IQCE: variants seen among roughly 807,000 people sequenced by gnomAD.
The protein encoded by IQCE is IQ domain-containing protein E.
IQCE carries 115 observed loss-of-function variants against 96.0 expected under a neutral mutation model. The ratio of observed to expected loss-of-function variants is 1.20; its 90% confidence interval spans 1.03 to 1.40. The LOEUF (loss-of-function observed/expected upper bound fraction) is 1.40. Among genes scored for constraint, IQCE ranks in the 40% most tolerant of loss-of-function variants. The probability of loss-of-function intolerance (pLI) is 0.00; values close to 1 mark genes in which losing one functional copy is unlikely to be tolerated. For missense variants in IQCE, 1,041 were observed against 909.1 expected (o/e 1.15, Z -1.87); for synonymous variants, 412 against 371.2 (o/e 1.11, Z -1.26).
In IQCE at chr7:2,586,263, C is replaced by T. The variant is rs1231007374; in HGVS notation, c.880C>T (p.Leu294Phe). ...AKRQKKMGSA[L>F]LSLSRSVQEL... ...AAGGCAGAAGAAGATGGGCAGTGCC[C>T]TCCTGAGCTTGTCCCGGAGTGTCCA... Residue 294 changes from leucine to phenylalanine, a missense_variant, in exon 12 of 22, where the codon CTC (leucine) becomes TTC (phenylalanine). Physicochemically the swap from Leu to Phe is conservative, Grantham distance 22. Transcript: ENST00000402050. 4 of 1,614,068 alleles carry T rather than the reference C, an allele frequency of 2.5e-6. No individual in the cohort carries two copies. Among genetic ancestry groups the T allele is most frequent in the Non-Finnish European group, 2.5e-6 (3 of 1,179,980 alleles).
At chr7:2,572,155 G>C in intron 4 of IQCE, 37 bp from the exon 5 acceptor site, 2 of 1,585,914 alleles carry the variant, frequency 1.3e-6, no homozygotes, top group Non-Finnish European at 1.7e-6. Context: ...GTGTGTGCTT[G>C]TATCTGTCAT....
chr7:2,589,000 C>G (rs867966549), intron 13 of IQCE, among the ~76,000 whole-genome samples: 8 of 152,100 alleles, frequency 5.3e-5, no homozygotes, highest in Non-Finnish European at 1.0e-4. Context: ...ATTAGAGCAT[C>G]TGTGTTGTTT....
intron 3 of IQCE, among the ~76,000 whole-genome samples, chr7:2,570,689 C>G (rs1223884288): frequency 1.3e-5 from 2 of 151,984 alleles, no homozygotes; most frequent in African/African-American, 4.8e-5. Flanking sequence ...TTAGTTTTTG[C>G]ATACGTTTAT....
At chr7:2,596,584 A>G (rs1784058784) in intron 16 of IQCE, among the ~76,000 whole-genome samples, 1 of 152,222 alleles carries the variant, frequency 6.6e-6, no homozygotes, top group Admixed American at 6.5e-5. Context: ...CATGGGAATG[A>G]TTAATTGTAG....
intron 6 of IQCE, 88 bp from the exon 7 acceptor site, chr7:2,578,154 C>T (rs560311338): frequency 1.4e-4 from 133 of 984,168 alleles, no homozygotes; most frequent in South Asian, 7.4e-4. Context: ...CCCGCATTGG[C>T]GTGTGCGTGG....
chr7:2,598,788 G>C (rs188092845), intron 17 of IQCE, 156 bp downstream of exon 17: 16 of 538,764 alleles, frequency 3.0e-5, no homozygotes, highest in African/African-American at 2.9e-4. Flanking sequence ...TCATTCACAC[G>C]CTGACACCTC....
intron 1 of IQCE, among the ~76,000 whole-genome samples, chr7:2,565,038 G>A (rs895682772): frequency 4.6e-5 from 7 of 152,146 alleles, no homozygotes; most frequent in Admixed American, 3.3e-4. Context: ...CTCAGATAGT[G>A]CTTGAAGGAG....
At chr7:2,599,077 G>A (rs1784262206) in intron 17 of IQCE, among the ~76,000 whole-genome samples, 1 of 152,160 alleles carries the variant, frequency 6.6e-6, no homozygotes. Context: ...ATTCGGTCAC[G>A]GCGGTTCTCA....
At chr7:2,568,799 G>A (rs1216291097) in intron 2 of IQCE, among the ~76,000 whole-genome samples, 155 bp from the exon 3 acceptor site, 1 of 152,184 alleles carries the variant, frequency 6.6e-6, no homozygotes, top group Non-Finnish European at 1.5e-5. Flanking sequence ...ATCGGGCCCT[G>A]CGTGTCCTGT....
intron 8 of IQCE, among the ~76,000 whole-genome samples, chr7:2,580,927 T>C (rs1034055874): frequency 1.3e-5 from 2 of 152,076 alleles, no homozygotes; most frequent in African/African-American, 2.4e-5. Context: ...CATCATCTTT[T>C]TTTTTTGAGA....
rs548123767 is a variant in IQCE, at chr7:2,591,332, G to C, written c.1244+1226G>C. ...GGCTGGGAAGGCAGGGCCTCACCGG[G>C]GGTTCTGGAGTTCCATGACCTGTGG... On this transcript the variant is annotated intron_variant, in intron 14 of 21. Transcript: ENST00000402050. 2.3e-3 allele frequency among the ~76,000 whole-genome samples: 349 copies of C among 152,210 alleles called. 3 individuals are homozygous for C. Among genetic ancestry groups the C allele is most frequent in the African/African-American group, 8.1e-3 (335 of 41,532 alleles).
chr7:2,572,590 C>A, intron 5 of IQCE: 1 of 615,200 alleles, frequency 1.6e-6, no homozygotes, highest in Non-Finnish European at 3.0e-6. Context: ...AACATAGAGG[C>A]GTACTTAAAT....
At chr7:2,575,722 G>T (rs1385687486) in intron 6 of IQCE, among the ~76,000 whole-genome samples, 1 of 152,216 alleles carries the variant, frequency 6.6e-6, no homozygotes, top group Non-Finnish European at 1.5e-5. Flanking sequence ...GGAGAGAAGA[G>T]GCTTTGCGTG....
At chr7:2,608,168 GC>G (rs1236131408) in intron 21 of IQCE, among the ~76,000 whole-genome samples, 1 of 152,234 alleles carries the variant, frequency 6.6e-6, no homozygotes, top group Non-Finnish European at 1.5e-5. Flanking sequence ...TTCAGGACGG[GC>G]CCAGGGAGCC....
intron 1 of IQCE, among the ~76,000 whole-genome samples, chr7:2,563,866 C>T (rs967710119): frequency 1.4e-5 from 2 of 140,534 alleles, no homozygotes; most frequent in African/African-American, 5.5e-5. Flanking sequence ...TGCCCTCCAG[C>T]CTGGGTGAGA....
intron 13 of IQCE, among the ~76,000 whole-genome samples, 193 bp downstream of exon 13, chr7:2,588,070 C>T (rs747657884): frequency 2.0e-5 from 3 of 152,240 alleles, no homozygotes; most frequent in African/African-American, 7.2e-5. Context: ...CCTCGCTGGG[C>T]TGTGAGCTTC....
In IQCE at chr7:2,614,356, C is replaced by T. The variant is rs1785215367; in HGVS notation, c.*4194C>T. On this transcript the variant is annotated 3_prime_UTR_variant, in exon 22 of 22. Coordinates refer to ENST00000402050, the MANE Select transcript of IQCE (RefSeq NM_152558.5). ...CCCGTGGCTCGGATTCTCTGAGGAC[C>T]AGGGAGTTGACACACAAACCCCGCC... is the stretch of plus-strand genomic sequence containing the variant. 7 of 152,230 alleles carry T rather than the reference C, an allele frequency of 4.6e-5. No homozygotes were observed. Among genetic ancestry groups the T allele is most frequent in the Admixed American group, 4.6e-4 (7 of 15,280 alleles). 9.4% of individuals were successfully genotyped at this position (152,230 alleles called of 1,614,324 possible).
rs200648086 is a variant in IQCE, at chr7:2,604,936, T to C, written c.1688T>C (p.Leu563Ser). ...GGACATCTCACGCGGACAAAGCTCT[T>C]AGCAAGCAAAGCACATGGCTCAGAG... ...FRGHLTRTKL[L>S]ASKAHGSEPP... is the part of the protein sequence containing the mutation. Residue 563 changes from leucine to serine, a missense_variant, in exon 19 of 22, where the codon TTA (leucine) becomes TCA (serine). Leu to Ser is a moderately radical substitution (Grantham distance 145). Transcript: ENST00000402050. The C allele has an allele frequency of 1.4e-3, 2,253 of 1,613,776 alleles. 4 individuals carry two copies. The highest frequency in any genetic ancestry group is 1.8e-3 in the Non-Finnish European group (2,094 of 1,179,980).
chr7:2,601,707 G>T lies in IQCE; in HGVS notation c.1632+243G>T, dbSNP rs1364718484. The T allele has an allele frequency of 8.9e-6, 4 of 450,382 alleles. 1 individual carries two copies. In the Admixed American group the frequency reaches 1.6e-4, roughly 18 times the overall value. The allele number at this position is 450,382 out of a possible 1,614,324, so 27.9% of individuals were successfully genotyped here. A position where few individuals can be genotyped will look rare whatever the true frequency, so the allele number is the denominator to read the frequency against. On this transcript the variant is annotated intron_variant, in intron 18 of 21. Coordinates refer to ENST00000402050, the MANE Select transcript of IQCE (RefSeq NM_152558.5). ...TGGGATTACAGGGATGCACCACTGT[G>T]CCCAGCTAATTTTTGTATTTTTAGG...
Sources: gnomAD v4.1 joint callset for allele counts (sites outside exome capture counted in the v4.1 genomes callset) on GRCh38, gnomAD v4.1.1 for gene constraint, MANE v1.5 for transcripts, NCBI Gene and HGNC (gene_info 2026-07-23, HGNC 2026-07-21) for gene names.